RARA: variants seen among roughly 807,000 people sequenced by gnomAD.
RARA encodes retinoic acid receptor alpha.
Under a neutral mutation model 42.8 loss-of-function variants are expected in RARA, and 5 were observed. The ratio of observed to expected loss-of-function variants is 0.12; its 90% CI spans 0.06 to 0.25. The LOEUF is 0.25. RARA is among the 10% of genes least tolerant of loss of function. The pLI, the probability that RARA is intolerant of heterozygous loss-of-function variation, is 1.00. For missense variants in RARA, 402 were observed against 628.7 expected, an observed-to-expected ratio of 0.64 and a Z score of 3.86; for synonymous variants, 256 against 259.5, an observed-to-expected ratio of 0.99 and a Z score of 0.13.
In RARA at chr17:40,331,202, G is replaced by T; in HGVS notation, c.-17G>T. The stretch of plus-strand genomic sequence containing the variant: ...CTGCCAGACTGTCTGCCTCCCTTCT[G>T]ACTGTGGCCGCTTGGCATGGCCAGC... On this transcript the variant is annotated 5_prime_UTR_variant, in exon 2 of 9. Transcript: ENST00000254066. The T allele has an allele frequency of 6.2e-7, 1 of 1,601,778 alleles. No homozygotes were observed. Among genetic ancestry groups the T allele is most frequent in the South Asian group, 1.1e-5 (1 of 89,834 alleles).
In RARA at chr17:40,356,156, C is replaced by A; in HGVS notation, c.1319C>A (p.Pro440Gln). ...GGRDGGGLAP[P>Q]PGSCSPSLSP... ...CGGGACGGGGGTGGCCTGGCCCCCCCGCCAGGCAGCTGTAGCCCCAGCCTC... is the reference window on the plus strand; with the variant it reads ...CGGGACGGGGGTGGCCTGGCCCCCCAGCCAGGCAGCTGTAGCCCCAGCCTC... Residue 440 changes from proline to glutamine, a missense_variant, in exon 9 of 9, where the codon CCG (proline) becomes CAG (glutamine). Coordinates refer to ENST00000254066, the MANE Select transcript of RARA (RefSeq NM_000964.4). 1 of 1,553,226 alleles carries A rather than the reference C, an allele frequency of 6.4e-7. No homozygotes were observed. Among genetic ancestry groups the A allele is most frequent in the Non-Finnish European group, 8.7e-7 (1 of 1,148,484 alleles).
At position 40,348,241 on chromosome 17, in the gene RARA, G is replaced by T. The variant is rs539066399; in HGVS notation, c.179-75G>T. On this transcript the variant is annotated intron_variant, in intron 2 of 8. Coordinates refer to ENST00000254066, the MANE Select transcript of RARA (RefSeq NM_000964.4). Reference sequence around the variant, plus strand: ...CTGGGAGAGGCTCTTAGGAGGGACGGTGAGGCAGGGTGGAGCTTGGTACTA... The same window carrying T: ...CTGGGAGAGGCTCTTAGGAGGGACGTTGAGGCAGGGTGGAGCTTGGTACTA... The T allele has an allele frequency of 1.8e-4, 259 of 1,461,430 alleles. 3 individuals carry two copies. In the African/African-American group the frequency reaches 3.6e-3, roughly 20 times the overall value. The allele number at this position is 1,461,430 out of a possible 1,614,324, so 90.5% of individuals were successfully genotyped here. A position where few individuals can be genotyped will look rare whatever the true frequency, so the allele number is the denominator to read the frequency against.
chr17:40,323,733 G>C (rs534277133), intron 1 of RARA, among the ~76,000 whole-genome samples: 14 of 145,630 alleles, frequency 9.6e-5, no homozygotes, highest in East Asian at 4.2e-4. Context: ...AAGTTGCTTG[G>C]GGGGGGGTCA....
rs1026255994 is a variant in RARA at position 40,355,893 on chromosome 17, C to G, written c.1172-116C>G. ...TGGCTCGTGTCAAAGAACTGAATCCCAAGAAAGATGCTAATATCAGCAGTA... is the reference window on the plus strand; with the variant it reads ...TGGCTCGTGTCAAAGAACTGAATCCGAAGAAAGATGCTAATATCAGCAGTA... On this transcript the variant is annotated intron_variant, in intron 8 of 8. Transcript: ENST00000254066. The surrounding 1 kb of genome is among the most constrained non-coding windows in gnomAD (Gnocchi z 4.1). The G allele has an allele frequency of 4.5e-5, 43 of 950,956 alleles. No homozygotes were observed. The highest frequency in any genetic ancestry group is 3.3e-4 in the Middle Eastern group (1 of 2,988). The allele number at this position is 950,956 out of a possible 1,614,324, so 58.9% of individuals were successfully genotyped here.
At chr17:40,315,822 G>A (rs753462984) in intron 1 of RARA, among the ~76,000 whole-genome samples, 5 of 152,170 alleles carry the variant, frequency 3.3e-5, no homozygotes, top group Non-Finnish European at 7.3e-5. Context: ...GAGGGATGGG[G>A]CTCAGACTCC....
At chr17:40,342,203 C>G (rs1347223679) in intron 2 of RARA, 4 of 1,054,050 alleles carry the variant, frequency 3.8e-6, no homozygotes, top group South Asian at 8.9e-5. Context: ...CCAGCTGCCC[C>G]TGGCCTGGCG....
At chr17:40,317,697 CTT>C (rs200426208) in intron 1 of RARA, among the ~76,000 whole-genome samples, 3 of 144,234 alleles carry the variant, frequency 2.1e-5, no homozygotes, top group Non-Finnish European at 4.6e-5. Flanking sequence ...CTCCTGGACT[CTT>C]TTTTTTTTTT....
Position 40,345,040 on chromosome 17 carries a change from G to C in RARA, c.179-3276G>C, listed in dbSNP as rs1394300758. ...GGGAGGAGGTGGCCTGGGTTCTGCAGGGCCCTAGGGACATTGCCTCCCTCC... is the reference window on the plus strand; with the variant it reads ...GGGAGGAGGTGGCCTGGGTTCTGCACGGCCCTAGGGACATTGCCTCCCTCC... On this transcript the variant is annotated intron_variant, in intron 2 of 8. Coordinates refer to ENST00000254066, the MANE Select transcript of RARA (RefSeq NM_000964.4). This position sits in a 1 kb window ranked among gnomAD's most constrained non-coding sequence, Gnocchi z 4.8. Among the ~76,000 whole-genome samples the C allele has an allele frequency of 6.6e-6, 1 of 152,198 alleles. No homozygotes were observed. The highest frequency in any genetic ancestry group is 2.4e-5 in the African/African-American group (1 of 41,438).
At chr17:40,348,522 C>A (rs1192695666) in intron 3 of RARA, 58 bp downstream of exon 3, 2 of 1,572,946 alleles carry the variant, frequency 1.3e-6, no homozygotes, top group Non-Finnish European at 1.7e-6. Flanking sequence ...GATGTCCCCA[C>A]TTCTGTGTCC....
In RARA at chr17:40,354,632, T is replaced by A; in HGVS notation, c.1012+126T>A. 1 of 1,178,072 alleles carries A rather than the reference T, an allele frequency of 8.5e-7. No individual in the cohort carries two copies. Among genetic ancestry groups the A allele is most frequent in the Non-Finnish European group, 1.2e-6 (1 of 851,910 alleles). 73.0% of individuals were successfully genotyped at this position (1,178,072 alleles called of 1,614,324 possible). A position where few individuals can be genotyped will look rare whatever the true frequency, so the allele number is the denominator to read the frequency against. On this transcript the variant is annotated intron_variant, in intron 7 of 8. Transcript: ENST00000254066. This position sits in a 1 kb window ranked among gnomAD's most constrained non-coding sequence, Gnocchi z 4.5. The stretch of plus-strand genomic sequence containing the variant: ...TAGAGGGCAGGGTCTGGTCTGCAAC[T>A]ACACAGCAAGGGGGCCATGTGGGGC...
At chr17:40,327,667 A>T (rs1369956993) in intron 1 of RARA, among the ~76,000 whole-genome samples, 1 of 152,210 alleles carries the variant, frequency 6.6e-6, no homozygotes, top group Admixed American at 6.5e-5. Context: ...TTCTCCTCAC[A>T]TGCATGCCTG....
intron 1 of RARA, among the ~76,000 whole-genome samples, chr17:40,329,800 CTTTT>C (rs2033642941): frequency 6.6e-6 from 1 of 152,144 alleles, no homozygotes; most frequent in Non-Finnish European, 1.5e-5. Flanking sequence ...TGTCTCTTTT[CTTTT>C]GTCTTTCATA....
Position 40,326,313 on chromosome 17 carries a change from G to T in RARA, c.-362-4544G>T, listed in dbSNP as rs372326111. 6.6e-6 allele frequency among the ~76,000 whole-genome samples: 1 copy of T among 152,232 alleles called. No homozygotes were observed. The highest frequency in any genetic ancestry group is 1.5e-5 in the Non-Finnish European group (1 of 68,042). On this transcript the variant is annotated intron_variant, in intron 1 of 8. Transcript: ENST00000254066. The surrounding 1 kb of genome is among the most constrained non-coding windows in gnomAD (Gnocchi z 5.2). ...CTTCCTGTCTGAAATCGCACAGCTCGTTGTTGAGGTAGGCAGTTCACAGGC... is the reference window on the plus strand; with the variant it reads ...CTTCCTGTCTGAAATCGCACAGCTCTTTGTTGAGGTAGGCAGTTCACAGGC...
rs2143277587 is a variant in RARA at position 40,331,282 on chromosome 17, C to T, written c.64C>T (p.Pro22Ser). The change falls in exon 2 of 9, where the codon CCT (proline) becomes TCT (serine). Residue 22 changes from proline to serine, a missense_variant. By Grantham distance (74) the Pro-to-Ser change is moderately conservative. Coordinates refer to ENST00000254066, the MANE Select transcript of RARA (RefSeq NM_000964.4). ...GGGHLNGYPV[P>S]PYAFFFPPML... ...CGGGCACCTCAATGGGTACCCGGTG[C>T]CTCCCTACGCCTTCTTCTTCCCCCC... The T allele has an allele frequency of 6.2e-7, 1 of 1,613,954 alleles. No homozygotes were observed. Among genetic ancestry groups the T allele is most frequent in the Non-Finnish European group, 8.5e-7 (1 of 1,179,954 alleles).
At chr17:40,342,146 T>TGGGGG in intron 2 of RARA, 1 of 246,846 alleles carries the variant, frequency 4.1e-6, no homozygotes, top group Non-Finnish European at 5.6e-6. Context: ...CGCGCAGAGC[T>TGGGGG]GGGGTGGGGG....
chr17:40,331,090 C>A lies in RARA; in HGVS notation c.-129C>A, dbSNP rs2033678713. ...CCCTCTTTGGACAGCAGCTCCAGGA[C>A]AGGGCGGGTGGGCTGACCACCCAAA... On this transcript the variant is annotated 5_prime_UTR_variant, in exon 2 of 9. Transcript: ENST00000254066. 9.2e-7 allele frequency: 1 copy of A among 1,088,052 alleles called. No individual in the cohort carries two copies. The highest frequency in any genetic ancestry group is 1.3e-6 in the Non-Finnish European group (1 of 769,946). The allele number at this position is 1,088,052 out of a possible 1,614,324, so 67.4% of individuals were successfully genotyped here.
At chr17:40,321,856 C>A (rs971774497) in intron 1 of RARA, among the ~76,000 whole-genome samples, 1 of 152,138 alleles carries the variant, frequency 6.6e-6, no homozygotes, top group Non-Finnish European at 1.5e-5. Flanking sequence ...TCCCTTCTGC[C>A]GGAACAAGGG....
intron 2 of RARA, among the ~76,000 whole-genome samples, chr17:40,334,207 T>G (rs892991090): frequency 6.6e-6 from 1 of 152,228 alleles, no homozygotes; most frequent in Non-Finnish European, 1.5e-5. Context: ...CTTCCCATCC[T>G]GGTAACCTTC....
intron 3 of RARA, 200 bp downstream of exon 3, chr17:40,348,664 A>G (rs763652503): frequency 3.6e-6 from 2 of 554,466 alleles, no homozygotes; most frequent in Non-Finnish European, 5.8e-6. Context: ...GCTCCCTCAA[A>G]CCAGAGGTCC....
Sources: allele counts gnomAD v4.1 joint callset (sites outside exome capture counted in the v4.1 genomes callset), GRCh38; gene constraint gnomAD v4.1.1; non-coding constraint Gnocchi (gnomAD v3.1); transcripts MANE v1.5; gene names NCBI Gene and HGNC (gene_info 2026-07-23, HGNC 2026-07-21).